The following PI4KA variants were observed in gnomAD, a reference collection of about 807,000 sequenced individuals.
PI4KA encodes PI4-kinase alpha.
A neutral mutation model predicts 271.4 loss-of-function variants in PI4KA; 122 were observed. The ratio of observed to expected loss-of-function variants is 0.45; its 90% confidence interval spans 0.39 to 0.52. PI4KA has a LOEUF of 0.52. Among genes scored for constraint, PI4KA ranks in the 20% least tolerant of loss-of-function variants. The pLI is 0.00. For synonymous variants in PI4KA, 1,041 were observed against 1,078.8 expected (o/e 0.96, Z 0.69); for missense variants, 1,969 against 2,769.1 (o/e 0.71, Z 6.48).
intron 3 of PI4KA, among the ~76,000 whole-genome samples, chr22:20,828,610 G>A (rs567873878): frequency 4.9e-4 from 75 of 151,764 alleles, no homozygotes; most frequent in Admixed American, 2.6e-3. Flanking sequence ...ATTGGAGTGC[G>A]GTGGCGTGAT....
intron 40 of PI4KA, 150 bp downstream of exon 40, chr22:20,727,624 A>G (rs760834587): frequency 2.1e-5 from 15 of 702,576 alleles, no homozygotes; most frequent in Non-Finnish European, 3.6e-5. Context: ...CAGACAAGAA[A>G]TAGAAAACAC....
chr22:20,793,081 TA>T, intron 19 of PI4KA, 111 bp downstream of exon 19: 3 of 728,888 alleles, frequency 4.1e-6, no homozygotes, highest in South Asian at 2.9e-5. Context: ...TCTAGAGGCA[TA>T]GGGGCCTCAA....
At chr22:20,784,521 C>T (rs968480993) in intron 19 of PI4KA, among the ~76,000 whole-genome samples, 17 of 152,204 alleles carry the variant, frequency 1.1e-4, no homozygotes, top group Middle Eastern at 3.4e-3. Context: ...TTTGTGGCTT[C>T]GAGTCCCAGC....
At chr22:20,756,574 A>C (rs1298735408) in intron 23 of PI4KA, among the ~76,000 whole-genome samples, 1 of 152,104 alleles carries the variant, frequency 6.6e-6, no homozygotes, top group Non-Finnish European at 1.5e-5. Flanking sequence ...TAAATTCCTG[A>C]TAATCAGATA....
intron 28 of PI4KA, among the ~76,000 whole-genome samples, chr22:20,749,335 T>C (rs2147318658): frequency 6.6e-6 from 1 of 152,382 alleles, no homozygotes; most frequent in Admixed American, 6.5e-5. Flanking sequence ...GAGGTATTTT[T>C]CTCATCTTTG....
intron 2 of PI4KA, among the ~76,000 whole-genome samples, chr22:20,838,070 G>T (rs564440369): frequency 6.7e-6 from 1 of 150,156 alleles, no homozygotes; most frequent in African/African-American, 2.5e-5. Flanking sequence ...GCAGTGAGCC[G>T]AGATTGCACC....
chr22:20,790,498 TAAA>T (rs1934558747), intron 19 of PI4KA, among the ~76,000 whole-genome samples: 1 of 151,738 alleles, frequency 6.6e-6, no homozygotes, highest in Non-Finnish European at 1.5e-5. Context: ...TGATTTCTAC[TAAA>T]AATACAAAAA....
rs373988097 is a variant in PI4KA at position 20,742,362 on chromosome 22, C to G, written c.3614-7G>C. 6.2e-7 allele frequency: 1 copy of G among 1,613,392 alleles called. No homozygotes were observed. The highest frequency in any genetic ancestry group is 8.5e-7 in the Non-Finnish European group (1 of 1,179,616). On this transcript the variant is annotated splice_region_variant and splice_polypyrimidine_tract_variant and intron_variant, in intron 31 of 54. Coordinates refer to ENST00000255882, the MANE Select transcript of PI4KA (RefSeq NM_058004.4). ...AGGAGCTGCGGGTCACAATCTGGAA[C>G]CAAACACACGTCAGTCAGAGGCCTC...
chr22:20,799,625 G>A, intron 15 of PI4KA, 46 bp downstream of exon 15: 2 of 1,369,414 alleles, frequency 1.5e-6, no homozygotes, highest in Middle Eastern at 3.6e-4. Context: ...ACACGAGCCT[G>A]CTGAGAACAA....
intron 27 of PI4KA, among the ~76,000 whole-genome samples, 180 bp from the exon 28 acceptor site, chr22:20,750,174 G>A (rs1310490819): frequency 6.6e-6 from 1 of 152,172 alleles, no homozygotes; most frequent in Non-Finnish European, 1.5e-5. Context: ...TCAATTAAAA[G>A]GCTGATAGGG....
intron 19 of PI4KA, chr22:20,779,771 A>G (rs1222781465): frequency 1.2e-6 from 2 of 1,614,094 alleles, no homozygotes; most frequent in Admixed American, 1.7e-5. Flanking sequence ...ACATCTTCAT[A>G]GCACCCGTTG....
intron 19 of PI4KA, among the ~76,000 whole-genome samples, chr22:20,766,350 G>A (rs573744300): frequency 2.4e-4 from 37 of 152,286 alleles, no homozygotes; most frequent in African/African-American, 8.4e-4. Flanking sequence ...GAGGCAGGGA[G>A]AGACTCATCA....
intron 43 of PI4KA, among the ~76,000 whole-genome samples, chr22:20,719,082 G>A (rs905299184): frequency 1.2e-4 from 18 of 152,226 alleles, no homozygotes; most frequent in South Asian, 6.2e-4. Flanking sequence ...TGCTGCACAC[G>A]CTACACACGC....
intron 19 of PI4KA, among the ~76,000 whole-genome samples, chr22:20,767,042 G>A (rs547209957): frequency 6.6e-6 from 1 of 152,280 alleles, no homozygotes; most frequent in African/African-American, 2.4e-5. Context: ...TCCAAAAAAT[G>A]TTAAAAAGCT....
chr22:20,729,080 C>A (rs979116162), intron 39 of PI4KA, among the ~76,000 whole-genome samples: 2 of 152,222 alleles, frequency 1.3e-5, no homozygotes, highest in African/African-American at 4.8e-5. Context: ...CCTCCCTAGG[C>A]TCCAGCTGCT....
intron 19 of PI4KA, chr22:20,780,208 G>C: frequency 6.2e-7 from 1 of 1,614,174 alleles, no homozygotes; most frequent in Non-Finnish European, 8.5e-7. Flanking sequence ...AAAGGTAAGA[G>C]GCACCTTTAC....
chr22:20,799,371 A>T (rs188759182), intron 15 of PI4KA, 95 bp from the exon 16 acceptor site: 1 of 1,185,386 alleles, frequency 8.4e-7, no homozygotes, highest in Non-Finnish European at 1.2e-6. Context: ...CCTTAATTTC[A>T]TAACAGTCTT....
chr22:20,744,331 TA>T (rs1929818874), intron 30 of PI4KA, among the ~76,000 whole-genome samples: 2 of 152,176 alleles, frequency 1.3e-5, no homozygotes, highest in Non-Finnish European at 2.9e-5. Flanking sequence ...CCCAAGAGCC[TA>T]TGGCATGTAA....
At chr22:20,784,241 A>G (rs765662110) in intron 19 of PI4KA, 1 of 1,614,110 alleles carries the variant, frequency 6.2e-7, no homozygotes, top group Non-Finnish European at 8.5e-7. Context: ...AAGCATGACA[A>G]ACAGGTATTT....
Sources: gnomAD v4.1 joint callset for allele counts (sites outside exome capture counted in the v4.1 genomes callset) on GRCh38, gnomAD v4.1.1 for gene constraint, MANE v1.5 for transcripts, NCBI Gene and HGNC (gene_info 2026-07-23, HGNC 2026-07-21) for gene names.